MAP2K2: variants seen among roughly 807,000 people sequenced by gnomAD.
MAP2K2 encodes the protein dual specificity mitogen-activated protein kinase kinase 2.
Under a neutral mutation model 43.7 loss-of-function variants are expected in MAP2K2, and 24 were observed. The ratio of observed to expected loss-of-function variants is 0.55; its 90% CI spans 0.40 to 0.77. The LOEUF is 0.77. MAP2K2 is among the 30% of genes least tolerant of loss of function. The pLI, the probability that MAP2K2 is intolerant of heterozygous loss-of-function variation, is 0.00. For missense variants in MAP2K2, 470 were observed against 566.8 expected (o/e 0.83, Z 1.73); for synonymous variants, 244 against 239.7 (o/e 1.02, Z -0.17).
intron 3 of MAP2K2, among the ~76,000 whole-genome samples, chr19:4,104,971 C>T (rs1462888178): frequency 6.6e-6 from 1 of 152,164 alleles, no homozygotes; most frequent in East Asian, 1.9e-4. Flanking sequence ...CAGACAGTGC[C>T]AGGTGTCTCC....
At position 4,102,754 on chromosome 19, in the gene MAP2K2, G is replaced by A. The variant is rs527514812; in HGVS notation, c.451-301C>T. The A allele has an allele frequency of 8.6e-4, 1,121 of 1,296,778 alleles. 3 individuals are homozygous for A. Among genetic ancestry groups the A allele is most frequent in the Non-Finnish European group, 1.0e-3 (1,057 of 1,007,612 alleles). 80.3% of individuals were successfully genotyped at this position (1,296,778 alleles called of 1,614,324 possible). On this transcript the variant is annotated intron_variant, in intron 3 of 10. Transcript: ENST00000262948. ...TCGCCACGGCAGAGGCTCTGCTCCG[G>A]GCCAGCCCAAGCCGCGGCCGGGGGC...
intron 3 of MAP2K2, chr19:4,103,142 G>A (rs1433083016): frequency 1.0e-6 from 1 of 993,058 alleles, no homozygotes; most frequent in African/African-American, 1.7e-5. Context: ...GCCAGCCCAG[G>A]TGACGGTAAC....
chr19:4,091,984 C>T (rs567704055), intron 10 of MAP2K2, among the ~76,000 whole-genome samples: 71 of 152,274 alleles, frequency 4.7e-4, no homozygotes, highest in East Asian at 3.9e-3. Context: ...GTGTGACCAG[C>T]GGTTCCTGTA....
intron 3 of MAP2K2, among the ~76,000 whole-genome samples, chr19:4,107,523 C>CAAAA (rs71166959): frequency 3.5e-3 from 206 of 58,294 alleles, no homozygotes; most frequent in Non-Finnish European, 4.1e-3. Context: ...GACTCCGTCT[C>CAAAA]AAAAAAAAAA....
In MAP2K2 at chr19:4,109,957, G is replaced by A. The variant is rs368144661; in HGVS notation, c.450+552C>T. Among the ~76,000 whole-genome samples, 9 of 152,174 alleles carry A rather than the reference G, an allele frequency of 5.9e-5. No homozygotes were observed. The South Asian group carries it at 6.2e-4, about 11-fold the overall frequency. On this transcript the variant is annotated intron_variant, in intron 3 of 10. Transcript: ENST00000262948. Reference sequence around the variant, plus strand: ...CCTCTCTGCTGTCATAAGGACGCCCGGGATACAGCAAGAGAAAAAGCAAAG... The same window carrying A: ...CCTCTCTGCTGTCATAAGGACGCCCAGGATACAGCAAGAGAAAAAGCAAAG...
intron 3 of MAP2K2, among the ~76,000 whole-genome samples, chr19:4,105,443 T>C (rs1291023528): frequency 6.6e-6 from 1 of 151,938 alleles, no homozygotes; most frequent in Admixed American, 6.6e-5. Context: ...TAATTTTTTG[T>C]ATTTTTAGTA....
At chr19:4,106,772 C>CCCA (rs1362431766) in intron 3 of MAP2K2, among the ~76,000 whole-genome samples, 1 of 152,252 alleles carries the variant, frequency 6.6e-6, no homozygotes, top group Non-Finnish European at 1.5e-5. Flanking sequence ...TGGGGATACT[C>CCCA]CCATTCAGTA....
intron 1 of MAP2K2, among the ~76,000 whole-genome samples, chr19:4,119,405 A>G (rs1025819405): frequency 6.6e-6 from 1 of 152,100 alleles, no homozygotes; most frequent in African/African-American, 2.4e-5. Flanking sequence ...TATTTTTAGT[A>G]GAGACAAGGT....
rs751324814 is a variant in MAP2K2, at chr19:4,102,468, A to G, written c.451-15T>C. On this transcript the variant is annotated splice_polypyrimidine_tract_variant and intron_variant, in intron 3 of 10. Transcript: ENST00000262948. ...GAGCCGCCGTCCTAGAGGGCACACAAGGAGTGAGTGCAGGCTCTGCGCAGG... is the reference window on the plus strand; with the variant it reads ...GAGCCGCCGTCCTAGAGGGCACACAGGGAGTGAGTGCAGGCTCTGCGCAGG... 4 of 1,572,846 alleles carry G rather than the reference A, an allele frequency of 2.5e-6. No individual in the cohort carries two copies. The South Asian group carries it at 3.4e-5, about 13-fold the overall frequency.
At chr19:4,104,741 G>A (rs970735858) in intron 3 of MAP2K2, 4 of 152,260 alleles carry the variant, frequency 2.6e-5, no homozygotes, top group African/African-American at 9.7e-5. Context: ...CCGGAGATGA[G>A]GGCGGGCGGA....
In MAP2K2 at chr19:4,101,242, C is replaced by G. The variant is rs770841615; in HGVS notation, c.567G>C (p.Gln189His). ...GCTGGGCCTTACCTCGGTGCATGAT[C>G]TGGTGCTTCTCTCGGAGGTACGCCA... The part of the protein sequence containing the change: ...RGLAYLREKH[Q>H]IMHRDVKPSN... The change falls in exon 5 of 11, where the codon CAG becomes CAC. Residue 189 changes from glutamine (Q) to histidine (H), a missense_variant. By Grantham distance (24) the Gln-to-His change is conservative. Transcript: ENST00000262948. The surrounding 1 kb of genome is among the most constrained non-coding windows in gnomAD (Gnocchi z 6.3). The G allele has an allele frequency of 1.3e-6, 2 of 1,589,032 alleles. No individual in the cohort carries two copies. The highest frequency in any genetic ancestry group is 1.7e-6 in the Non-Finnish European group (2 of 1,168,554).
intron 1 of MAP2K2, 60 bp downstream of exon 1, chr19:4,123,723 CT>C: frequency 7.3e-7 from 1 of 1,364,114 alleles, no homozygotes; most frequent in South Asian, 1.3e-5. Flanking sequence ...TCGCCCCGTC[CT>C]TCCCCGAGGG....
intron 7 of MAP2K2, 132 bp downstream of exon 7, chr19:4,099,069 C>T (rs2040961205): frequency 1.3e-6 from 1 of 770,802 alleles, no homozygotes. Context: ...GGACTGCTGA[C>T]CACAGTCGGC....
At chr19:4,092,907 T>TA (rs1406449449) in intron 10 of MAP2K2, among the ~76,000 whole-genome samples, 1 of 151,646 alleles carries the variant, frequency 6.6e-6, no homozygotes, top group African/African-American at 2.4e-5. Context: ...CCTGTCTCTA[T>TA]AAAAAAAACT....
At chr19:4,108,420 T>A (rs1023671339) in intron 3 of MAP2K2, among the ~76,000 whole-genome samples, 1 of 99,316 alleles carries the variant, frequency 1.0e-5, no homozygotes, top group Non-Finnish European at 2.4e-5. Flanking sequence ...TTTTTTGTAT[T>A]TTTTTTTTTT....
At chr19:4,094,343 G>T in intron 10 of MAP2K2, 110 bp downstream of exon 10, 2 of 1,198,600 alleles carry the variant, frequency 1.7e-6, no homozygotes, top group Non-Finnish European at 1.2e-6. Context: ...CCCACATCCT[G>T]GTCGCAGGTG....
At chr19:4,104,926 G>A (rs972374505) in intron 3 of MAP2K2, 1 of 152,398 alleles carries the variant, frequency 6.6e-6, no homozygotes, top group Non-Finnish European at 1.5e-5. Context: ...TCCACGCCAG[G>A]AGCATCCCCC....
chr19:4,095,453 TGGA>T lies in MAP2K2; in HGVS notation c.985-7_985-5del, dbSNP rs753469223. On this transcript the variant is annotated splice_polypyrimidine_tract_variant and splice_region_variant and intron_variant, in intron 8 of 10. Transcript: ENST00000262948. ...CGTTGGGCAGCTTAGGAGGTGGCTG[TGGA>T]GGAGAACAGAGGGTGGGGTCAGCCC... 3.2e-5 allele frequency: 50 copies of T among 1,551,044 alleles called. No individual in the cohort carries two copies. Among genetic ancestry groups the T allele is most frequent in the South Asian group, 9.5e-5 (8 of 84,046 alleles).
In MAP2K2 at chr19:4,122,205, C is replaced by T. The variant is rs191501295; in HGVS notation, c.92+1579G>A. On this transcript the variant is annotated intron_variant, in intron 1 of 10. Transcript: ENST00000262948. The stretch of plus-strand genomic sequence containing the variant: ...CCATAGGAACCCTCCCACCCCATCT[C>T]TCCCCCATAGGGACCCTCCCACCCC... Among the ~76,000 whole-genome samples, 167 of 73,862 alleles carry T rather than the reference C, an allele frequency of 2.3e-3. 4 individuals are homozygous for T. The highest frequency in any genetic ancestry group is 0.01 in the African/African-American group (154 of 14,802). The allele number at this position is 73,862 out of a possible 152,430, so 48.5% of individuals were successfully genotyped here.
Sources: allele counts gnomAD v4.1 joint callset (sites outside exome capture counted in the v4.1 genomes callset), GRCh38; gene constraint gnomAD v4.1.1; non-coding constraint Gnocchi (gnomAD v3.1); transcripts MANE v1.5; gene names NCBI Gene and HGNC (gene_info 2026-07-23, HGNC 2026-07-21).